Variants in HHLA2 observed in about 807,000 individuals in gnomAD.
The protein encoded by HHLA2 is HHLA2 member of B7 family, also known as HERV-H LTR-associating protein 2.
A neutral mutation model predicts 45.9 loss-of-function variants in HHLA2; 48 were observed. That is an observed-to-expected ratio of 1.05 (90% CI 0.83 to 1.33). The LOEUF (loss-of-function observed/expected upper bound fraction) is 1.33, where lower values mean the gene tolerates loss of function less well. Among genes scored for constraint, HHLA2 ranks in the 40% most tolerant of loss-of-function variants. HHLA2 has a pLI of 0.00. For missense variants in HHLA2, 462 were observed against 494.3 expected, an observed-to-expected ratio of 0.93 and a Z score of 0.62; for synonymous variants, 161 against 173.9, an observed-to-expected ratio of 0.93 and a Z score of 0.59.
chr3:108,297,174 C>A (rs1382469038), intron 1 of HHLA2, among the ~76,000 whole-genome samples: 1 of 152,050 alleles, frequency 6.6e-6, no homozygotes, highest in African/African-American at 2.4e-5. Context: ...AAACAAGATT[C>A]AAAAAGTTAA....
rs143893942 is a variant in HHLA2, at chr3:108,338,154, T to A, written c.-27+9807T>A. Among the ~76,000 whole-genome samples, 1,480 of 151,908 alleles carry A rather than the reference T, an allele frequency of 9.7e-3. 15 individuals are homozygous for A. Among genetic ancestry groups the A allele is most frequent in the Non-Finnish European group, 0.015 (1,051 of 67,958 alleles). On this transcript the variant is annotated intron_variant, in intron 3 of 10. Coordinates refer to ENST00000619531, the Ensembl canonical transcript of HHLA2. The stretch of plus-strand genomic sequence containing the variant: ...CATAGATATCTAAATTTGATATCTA[T>A]GTATCATATATCATAGATATATAGA...
intron 1 of HHLA2, among the ~76,000 whole-genome samples, chr3:108,308,999 A>C (rs2080975579): frequency 6.6e-6 from 1 of 152,122 alleles, no homozygotes. Flanking sequence ...GCTATGCGGA[A>C]GCTTTTTAAC....
chr3:108,352,353 C>T (rs2081794475), intron 4 of HHLA2, among the ~76,000 whole-genome samples: 1 of 152,176 alleles, frequency 6.6e-6, no homozygotes, highest in African/African-American at 2.4e-5. Context: ...CTCTAGCTCT[C>T]TGCAGAGAGA....
Position 108,353,565 on chromosome 3 carries a change from G to A in HHLA2, c.203G>A (p.Ser68Asn), listed in dbSNP as rs1425392117. Residue 68 changes from serine to asparagine, a missense_variant, in exon 5 of 11, where the codon AGC becomes AAC. Ser to Asn is a conservative substitution (Grantham distance 46). This residue lies in a region of HHLA2 where 335 missense variants were observed against 367.4 expected (regional missense o/e 0.91). Transcript: ENST00000619531. ...GTAATACACTGGAAGTATCAAGATA[G>A]CTATAAGGTTCACAGTTACTACAAA... 4 of 1,613,510 alleles carry A rather than the reference G, an allele frequency of 2.5e-6. No individual in the cohort carries two copies. The African/African-American group carries it at 5.3e-5, about 22-fold the overall frequency.
chr3:108,324,092 A>G (rs1025538451), intron 2 of HHLA2, among the ~76,000 whole-genome samples: 4 of 152,210 alleles, frequency 2.6e-5, no homozygotes, highest in African/African-American at 9.6e-5. Context: ...CTTAATAGTT[A>G]ATTCACAGGT....
chr3:108,338,631 G>A (rs2081514482), intron 3 of HHLA2, among the ~76,000 whole-genome samples: 1 of 152,174 alleles, frequency 6.6e-6, no homozygotes, highest in Non-Finnish European at 1.5e-5. Flanking sequence ...CTCTCCACAA[G>A]CCTAGCAGAA....
intron 8 of HHLA2, among the ~76,000 whole-genome samples, chr3:108,369,951 T>C (rs12106699): frequency 0.1 from 15,467 of 152,220 alleles, 1,171 homozygotes; most frequent in African/African-American, 0.21. Context: ...GTCTGACAGC[T>C]TTGAAGAGAG....
intron 2 of HHLA2, among the ~76,000 whole-genome samples, chr3:108,312,090 T>G (rs2081029051): frequency 6.6e-6 from 1 of 152,174 alleles, no homozygotes; most frequent in Non-Finnish European, 1.5e-5. Flanking sequence ...CCATTCACCA[T>G]TCTTACTTCC....
chr3:108,351,644 A>C (rs2081779266), intron 3 of HHLA2, 144 bp from the exon 3 acceptor site: 1 of 526,132 alleles, frequency 1.9e-6, no homozygotes, highest in African/African-American at 1.9e-5. Flanking sequence ...CCTATTAAGA[A>C]ATTCCTTCCA....
intron 2 of HHLA2, among the ~76,000 whole-genome samples, chr3:108,319,297 T>C (rs1485248939): frequency 6.6e-6 from 1 of 152,114 alleles, no homozygotes; most frequent in African/African-American, 2.4e-5. Flanking sequence ...AACTTCTCCA[T>C]TGGTCAGGCT....
chr3:108,301,435 TTTG>T (rs1407637905), intron 1 of HHLA2, among the ~76,000 whole-genome samples: 2 of 152,136 alleles, frequency 1.3e-5, no homozygotes, highest in African/African-American at 2.4e-5. Flanking sequence ...TCCAAACACG[TTTG>T]TTGTTCTTGA....
intron 8 of HHLA2, among the ~76,000 whole-genome samples, chr3:108,368,880 A>G (rs1007114592): frequency 6.6e-6 from 1 of 152,206 alleles, no homozygotes; most frequent in African/African-American, 2.4e-5. Flanking sequence ...AAGCGGACCT[A>G]ATGGACATCT....
chr3:108,357,834 G>T lies in HHLA2; in HGVS notation c.686-10G>T, dbSNP rs545290236. 6.3e-6 allele frequency: 10 copies of T among 1,585,948 alleles called. No homozygotes were observed. In the South Asian group the frequency reaches 1.0e-4, roughly 16 times the overall value. On this transcript the variant is annotated splice_polypyrimidine_tract_variant and intron_variant, in intron 6 of 10. Coordinates refer to ENST00000619531, the Ensembl canonical transcript of HHLA2. ...CTTCATTGATGTTTTCTTTTCTATT[G>T]TGTTGTTAGATGGCCTTCATAAAAT...
chr3:108,331,172 C>T (rs2081380010), intron 3 of HHLA2, among the ~76,000 whole-genome samples: 2 of 152,176 alleles, frequency 1.3e-5, no homozygotes, highest in Non-Finnish European at 2.9e-5. Flanking sequence ...CTGTGTACAA[C>T]CAGTGATGGA....
At chr3:108,332,941 T>C (rs1244878879) in intron 3 of HHLA2, among the ~76,000 whole-genome samples, 1 of 152,160 alleles carries the variant, frequency 6.6e-6, no homozygotes, top group African/African-American at 2.4e-5. Flanking sequence ...AACCCCCAAA[T>C]AATATTGATG....
chr3:108,371,323 A>G lies in HHLA2; in HGVS notation c.1109-4427A>G, dbSNP rs1363424585. 3.3e-5 allele frequency among the ~76,000 whole-genome samples: 5 copies of G among 152,170 alleles called. 1 individual carries two copies. The highest frequency in any genetic ancestry group is 2.0e-4 in the Admixed American group (3 of 15,266). On this transcript the variant is annotated intron_variant, in intron 8 of 10. Transcript: ENST00000619531. ...GCCTGCCCTAAAAGAGCTCCTGAAGAAAGCACTAAACATGGAAAAAACAAC... is the reference window on the plus strand; with the variant it reads ...GCCTGCCCTAAAAGAGCTCCTGAAGGAAGCACTAAACATGGAAAAAACAAC...
At chr3:108,372,840 C>T (rs1450857127) in intron 8 of HHLA2, among the ~76,000 whole-genome samples, 3 of 152,304 alleles carry the variant, frequency 2.0e-5, no homozygotes, top group Non-Finnish European at 4.4e-5. Flanking sequence ...TAATCAATAG[C>T]TTACCAACCA....
At position 108,368,535 on chromosome 3, in the gene HHLA2, C is replaced by CAAAAAAAAAAAAA. The variant is rs55718572; in HGVS notation, c.1108+6112_1108+6124dup. 4.5e-4 allele frequency among the ~76,000 whole-genome samples: 3 copies of CAAAAAAAAAAAAA among 6,624 alleles called. 1 individual carries two copies. The highest frequency in any genetic ancestry group is 1.3e-3 in the African/African-American group (2 of 1,544). The allele number at this position is 6,624 out of a possible 152,430, so 4.3% of individuals were successfully genotyped here. On this transcript the variant is annotated intron_variant, in intron 8 of 10. Transcript: ENST00000619531. ...GAATATTTACCAAGCAAACGAAGAG[C>CAAAAAAAAAAAAA]AAAAAAAAAAAAAAAAAAAAAAAAA...
chr3:108,370,782 G>C (rs879543238), intron 8 of HHLA2, among the ~76,000 whole-genome samples: 16 of 152,158 alleles, frequency 1.1e-4, no homozygotes, highest in Non-Finnish European at 2.2e-4. Context: ...AGAGAAAAAA[G>C]AATTAAAAGA....
Sources: allele counts gnomAD v4.1 joint callset (sites outside exome capture counted in the v4.1 genomes callset), GRCh38; gene constraint gnomAD v4.1.1; regional missense constraint gnomAD v4.1.1; transcripts MANE v1.5; gene names NCBI Gene and HGNC (gene_info 2026-07-23, HGNC 2026-07-21).